SERINC5: variants seen among roughly 807,000 people sequenced by gnomAD.
SERINC5 encodes the protein chromosome 5 open reading frame 12.
In SERINC5, 41 loss-of-function variants were observed where a neutral mutation model predicts 63.1. That is an observed-to-expected ratio of 0.65 (90% CI 0.51 to 0.84). SERINC5 has a LOEUF of 0.84. Ranked by LOEUF, SERINC5 falls within the 40% of genes least tolerant of loss-of-function variation. SERINC5 has a pLI of 0.00. For missense variants in SERINC5, 523 were observed against 573.0 expected (o/e 0.91, Z 0.89); for synonymous variants, 222 against 215.2 (o/e 1.03, Z -0.28).
intron 1 of SERINC5, among the ~76,000 whole-genome samples, chr5:80,203,923 CTAAT>C (rs1750018061): frequency 6.6e-6 from 1 of 152,134 alleles, no homozygotes; most frequent in Non-Finnish European, 1.5e-5. Flanking sequence ...GAAGACTGAG[CTAAT>C]TACCAATAGC....
intron 10 of SERINC5, 42 bp downstream of exon 10, chr5:80,147,203 G>T: frequency 3.9e-6 from 6 of 1,551,770 alleles, no homozygotes; most frequent in Non-Finnish European, 5.3e-6. Flanking sequence ...TTATAGGTCT[G>T]CAGTGCCACA....
chr5:80,196,553 A>G (rs1749509684), intron 2 of SERINC5, among the ~76,000 whole-genome samples: 1 of 152,226 alleles, frequency 6.6e-6, no homozygotes, highest in Non-Finnish European at 1.5e-5. Context: ...AAATGAAAAC[A>G]TATGTCCATA....
chr5:80,148,724 G>A (rs1406462394), intron 9 of SERINC5, among the ~76,000 whole-genome samples: 1 of 151,880 alleles, frequency 6.6e-6, no homozygotes, highest in South Asian at 2.1e-4. Context: ...CTGGTAAACA[G>A]AGTACTAAGA....
intron 3 of SERINC5, 79 bp from the exon 4 acceptor site, chr5:80,177,476 G>C: frequency 8.9e-7 from 1 of 1,118,782 alleles, no homozygotes. Context: ...AGAAGGTACA[G>C]CATGTCAATC....
rs1393806243 is a variant in SERINC5, at chr5:80,143,540, T to C, written c.*123A>G. 7.4e-7 allele frequency: 1 copy of C among 1,353,580 alleles called. No homozygotes were observed. Among genetic ancestry groups the C allele is most frequent in the Admixed American group, 3.3e-5 (1 of 30,512 alleles). The allele number at this position is 1,353,580 out of a possible 1,614,324, so 83.8% of individuals were successfully genotyped here. A position where few individuals can be genotyped will look rare whatever the true frequency, so the allele number is the denominator to read the frequency against. Reference sequence around the variant, plus strand: ...GCTAATCAGGAGATTTTTTTTTTTCTCTCTCAAAGCTTTTTCAGACCCACT... The same window carrying C: ...GCTAATCAGGAGATTTTTTTTTTTCCCTCTCAAAGCTTTTTCAGACCCACT... On this transcript the variant is annotated 3_prime_UTR_variant, in exon 12 of 12. Transcript: ENST00000507668.
At chr5:80,254,709 G>C (rs1752571952) in intron 1 of SERINC5, among the ~76,000 whole-genome samples, 1 of 152,034 alleles carries the variant, frequency 6.6e-6, no homozygotes, top group African/African-American at 2.4e-5. Flanking sequence ...CTCTCTGCCT[G>C]ACACAGGGAA....
downstream of SERINC5, among the ~76,000 whole-genome samples, chr5:80,134,695 T>TA (rs1261449685): frequency 1.3e-5 from 2 of 152,212 alleles, no homozygotes; most frequent in South Asian, 2.1e-4. Context: ...ATGCCACAAG[T>TA]AAAACGTGGC....
chr5:80,197,645 G>A (rs767195529), intron 2 of SERINC5, among the ~76,000 whole-genome samples: 8 of 152,174 alleles, frequency 5.3e-5, no homozygotes, highest in Non-Finnish European at 1.0e-4. Context: ...TCCTTCTTCA[G>A]TACAGGTTTT....
intron 2 of SERINC5, chr5:80,198,796 G>T: frequency 2.6e-6 from 2 of 761,882 alleles, no homozygotes; most frequent in Non-Finnish European, 3.2e-6. Flanking sequence ...CCCTAAAGCT[G>T]GAAAAGGATT....
intron 1 of SERINC5, among the ~76,000 whole-genome samples, chr5:80,224,751 C>T (rs994752306): frequency 1.4e-4 from 21 of 151,604 alleles, no homozygotes; most frequent in South Asian, 2.1e-4. Context: ...CTCAGCCTCC[C>T]GAGTAGCTGG....
intron 1 of SERINC5, among the ~76,000 whole-genome samples, chr5:80,245,216 G>A (rs1752118324): frequency 6.6e-6 from 1 of 152,190 alleles, no homozygotes. Flanking sequence ...ATTTCCTTGA[G>A]AAGCTGAGAA....
chr5:80,242,578 T>C (rs1165574970), intron 1 of SERINC5, among the ~76,000 whole-genome samples: 2 of 152,112 alleles, frequency 1.3e-5, no homozygotes, highest in African/African-American at 4.8e-5. Context: ...GGTGAAAGCT[T>C]GTCTCTACTA....
chr5:80,217,257 T>C (rs1049721016), intron 1 of SERINC5, among the ~76,000 whole-genome samples: 7 of 152,206 alleles, frequency 4.6e-5, no homozygotes, highest in African/African-American at 1.7e-4. Flanking sequence ...TTATAAATAG[T>C]AGCTTATCAA....
At chr5:80,193,627 A>G (rs1749331499) in intron 2 of SERINC5, among the ~76,000 whole-genome samples, 1 of 152,214 alleles carries the variant, frequency 6.6e-6, no homozygotes. Context: ...TGGCAAGCTC[A>G]TTATTACTGG....
intron 11 of SERINC5, among the ~76,000 whole-genome samples, chr5:80,125,783 GT>G (rs1437608063): frequency 1.3e-5 from 2 of 152,164 alleles, no homozygotes; most frequent in Non-Finnish European, 2.9e-5. Flanking sequence ...GAGCAAACTG[GT>G]TTAAGAAACG....
intron 10 of SERINC5, among the ~76,000 whole-genome samples, chr5:80,146,740 G>A (rs1745850647): frequency 6.6e-6 from 1 of 152,160 alleles, no homozygotes. Flanking sequence ...ACAGGCATAA[G>A]CCACCGTGCC....
chr5:80,135,444 T>G (rs566978838), downstream of SERINC5, among the ~76,000 whole-genome samples: 13 of 152,282 alleles, frequency 8.5e-5, no homozygotes, highest in African/African-American at 3.1e-4. Flanking sequence ...GCTCTGTGGG[T>G]GCAGGGACCC....
intron 1 of SERINC5, among the ~76,000 whole-genome samples, chr5:80,245,968 A>T (rs1246071293): frequency 1.6e-5 from 1 of 60,944 alleles, no homozygotes; most frequent in Non-Finnish European, 3.6e-5. Context: ...AGCTCTTTAA[A>T]AAAAAAAAAA....
In SERINC5 at chr5:80,133,487, T is replaced by C. The variant is rs528117336; in HGVS notation, c.1238+12603A>G. Among the ~76,000 whole-genome samples the C allele has an allele frequency of 3.3e-5, 5 of 152,304 alleles. No homozygotes were observed. The East Asian group carries it at 9.6e-4, about 29-fold the overall frequency. On this transcript the variant is annotated intron_variant, in intron 11 of 12. Transcript: ENST00000509193. Reference sequence around the variant, plus strand: ...CATGCAGAGTGCTGAAAATGCCAAGTGGCTTGTAATAGTTGATAACGTACA... The same window carrying C: ...CATGCAGAGTGCTGAAAATGCCAAGCGGCTTGTAATAGTTGATAACGTACA...
Sources: allele counts gnomAD v4.1 joint callset (sites outside exome capture counted in the v4.1 genomes callset), GRCh38; gene constraint gnomAD v4.1.1; transcripts MANE v1.5; gene names NCBI Gene and HGNC (gene_info 2026-07-23, HGNC 2026-07-21).